Variants in KHDRBS2 observed in about 807,000 individuals in gnomAD.
KHDRBS2 encodes KH domain-containing, RNA-binding, signal transduction-associated protein 2.
A neutral mutation model predicts 44.3 loss-of-function variants in KHDRBS2; 26 were observed. That is an observed-to-expected ratio of 0.59 (90% CI 0.43 to 0.81). KHDRBS2 has a LOEUF of 0.81. KHDRBS2 is among the 40% of genes least tolerant of loss of function. KHDRBS2 has a pLI of 0.00. For synonymous variants in KHDRBS2, 194 were observed against 151.1 expected (o/e 1.28, Z -2.08); for missense variants, 476 against 433.1 (o/e 1.10, Z -0.88).
chr6:62,064,773 T>G (rs929583994), intron 2 of KHDRBS2, among the ~76,000 whole-genome samples: 83 of 151,862 alleles, frequency 5.5e-4, no homozygotes, highest in African/African-American at 1.9e-3. Context: ...AAGCCAAAAT[T>G]GACAAATGGG....
chr6:62,249,754 T>C (rs1296613857), intron 1 of KHDRBS2, among the ~76,000 whole-genome samples: 1 of 152,096 alleles, frequency 6.6e-6, no homozygotes, highest in Non-Finnish European at 1.5e-5. Context: ...CTCTTTTCTA[T>C]GTGGAATTAT....
intron 1 of KHDRBS2, among the ~76,000 whole-genome samples, chr6:62,216,890 T>C (rs941308323): frequency 1.3e-5 from 2 of 151,178 alleles, no homozygotes; most frequent in Non-Finnish European, 3.0e-5. Flanking sequence ...GGAAGCCAAA[T>C]ACTATTATTA....
chr6:61,724,066 G>A (rs1773145157), intron 7 of KHDRBS2, among the ~76,000 whole-genome samples: 1 of 152,146 alleles, frequency 6.6e-6, no homozygotes, highest in Non-Finnish European at 1.5e-5. Flanking sequence ...AAGCCAGAGA[G>A]AAAGACCAGG....
At chr6:61,567,915 T>G in the KHDRBS2 span, among the ~76,000 whole-genome samples, 6 of 152,202 alleles carry the variant, frequency 3.9e-5, no homozygotes, top group South Asian at 6.2e-4. Context: ...GAATTCAAAT[T>G]TTTTTATCTA....
chr6:62,239,793 C>A (rs1353678992), intron 1 of KHDRBS2, among the ~76,000 whole-genome samples: 1 of 151,996 alleles, frequency 6.6e-6, no homozygotes, highest in Non-Finnish European at 1.5e-5. Context: ...TCAAGCAACT[C>A]TCTTGTCTCA....
the KHDRBS2 span, among the ~76,000 whole-genome samples, chr6:61,620,929 T>C: frequency 6.6e-6 from 1 of 152,262 alleles, no homozygotes; most frequent in Non-Finnish European, 1.5e-5. Flanking sequence ...CATTGCAATC[T>C]GAAGTCTCCT....
chr6:62,128,745 C>A (rs1809558344), intron 2 of KHDRBS2, among the ~76,000 whole-genome samples: 1 of 151,714 alleles, frequency 6.6e-6, no homozygotes, highest in Non-Finnish European at 1.5e-5. Flanking sequence ...TTATAAGCAG[C>A]ACAGAATTAA....
chr6:62,175,153 C>T (rs550219671), intron 2 of KHDRBS2, among the ~76,000 whole-genome samples: 6 of 151,596 alleles, frequency 4.0e-5, no homozygotes, highest in South Asian at 2.1e-4. Context: ...CTTTGATAAG[C>T]GAGTATAAAT....
chr6:62,270,066 T>C (rs1287248461), intron 1 of KHDRBS2, among the ~76,000 whole-genome samples: 2 of 152,122 alleles, frequency 1.3e-5, no homozygotes, highest in South Asian at 2.1e-4. Flanking sequence ...CTTAAAGGAA[T>C]TGGAGGCGAT....
At chr6:61,593,286 C>T in the KHDRBS2 span, among the ~76,000 whole-genome samples, 1 of 152,028 alleles carries the variant, frequency 6.6e-6, no homozygotes, top group African/African-American at 2.4e-5. Context: ...TTAAGAGAAG[C>T]AGTTTTAATC....
intron 7 of KHDRBS2, among the ~76,000 whole-genome samples, chr6:61,712,343 G>C (rs1380165523): frequency 1.3e-5 from 2 of 151,750 alleles, no homozygotes; most frequent in Non-Finnish European, 2.9e-5. Flanking sequence ...ATTGACAGAG[G>C]GATATTTTCT....
intron 6 of KHDRBS2, among the ~76,000 whole-genome samples, chr6:61,744,443 T>A (rs965323789): frequency 3.9e-5 from 6 of 152,088 alleles, no homozygotes; most frequent in Admixed American, 3.3e-4. Flanking sequence ...GCAAGTGCAG[T>A]CCTGATAAAT....
chr6:61,743,170 T>A (rs1403965213), intron 6 of KHDRBS2, among the ~76,000 whole-genome samples: 3 of 152,204 alleles, frequency 2.0e-5, no homozygotes, highest in South Asian at 2.1e-4. Flanking sequence ...ACAATTCAAG[T>A]GAACACCATT....
chr6:61,723,156 AAAAC>A (rs56386313), intron 7 of KHDRBS2, among the ~76,000 whole-genome samples: 30 of 150,502 alleles, frequency 2.0e-4, no homozygotes, highest in South Asian at 4.2e-4. Context: ...CTGACCATAA[AAAAC>A]AAACAAACAA....
chr6:62,070,057 T>C (rs1044008902), intron 2 of KHDRBS2, among the ~76,000 whole-genome samples: 7 of 151,698 alleles, frequency 4.6e-5, no homozygotes, highest in Non-Finnish European at 8.8e-5. Context: ...TCTCCGTCTA[T>C]TAAGATTCAT....
intron 4 of KHDRBS2, among the ~76,000 whole-genome samples, chr6:61,911,634 T>G (rs191904365): frequency 8.4e-4 from 128 of 152,256 alleles, no homozygotes; most frequent in African/African-American, 3.1e-3. Context: ...AAATTCTACA[T>G]TTTTGTTTTA....
the KHDRBS2 span, among the ~76,000 whole-genome samples, chr6:61,602,212 T>C: frequency 2.6e-5 from 4 of 152,090 alleles, no homozygotes; most frequent in East Asian, 3.9e-4. Context: ...TGTACAGTAA[T>C]AGAGTAGAGG....
At chr6:62,244,597 T>A (rs1296424396) in intron 1 of KHDRBS2, among the ~76,000 whole-genome samples, 3 of 151,564 alleles carry the variant, frequency 2.0e-5, no homozygotes, top group African/African-American at 4.9e-5. Flanking sequence ...ATTTACACAA[T>A]TTTTTTTTCA....
At chr6:61,733,647 C>A (rs1249357803) in intron 6 of KHDRBS2, among the ~76,000 whole-genome samples, 1 of 151,538 alleles carries the variant, frequency 6.6e-6, no homozygotes, top group Non-Finnish European at 1.5e-5. Context: ...ATTTTTAAAT[C>A]TCATAAGTAA....
Sources: gnomAD v4.1 joint callset for allele counts (sites outside exome capture counted in the v4.1 genomes callset) on GRCh38, gnomAD v4.1.1 for gene constraint, MANE v1.5 for transcripts, NCBI Gene and HGNC (gene_info 2026-07-23, HGNC 2026-07-21) for gene names.